Variants in PFKFB2 observed in about 807,000 individuals in gnomAD.
The protein encoded by PFKFB2 is 6-phosphofructo-2-kinase/fructose-2,6-biphosphatase 2, also known as 6-phosphofructo-2-kinase/fructose-2,6-bisphosphatase 2.
A neutral mutation model predicts 68.0 loss-of-function variants in PFKFB2; 53 were observed. The ratio of observed to expected loss-of-function variants is 0.78; its 90% CI spans 0.63 to 0.98. The LOEUF is 0.98. Ranked by LOEUF, PFKFB2 falls within the 50% of genes least tolerant of loss-of-function variation. PFKFB2 has a pLI of 0.00. For synonymous variants in PFKFB2, 222 were observed against 227.6 expected (o/e 0.98, Z 0.22); for missense variants, 451 against 642.0 (o/e 0.70, Z 3.22).
chr1:207,050,275 C>A (rs1311857596), upstream of PFKFB2, among the ~76,000 whole-genome samples: 1 of 151,764 alleles, frequency 6.6e-6, no homozygotes, highest in East Asian at 1.9e-4. Flanking sequence ...GAAGTATCTA[C>A]GAAGGGGACT....
At chr1:207,052,446 G>A, upstream of PFKFB2, 9 of 476,316 alleles carry the variant, frequency 1.9e-5, no homozygotes, top group South Asian at 9.6e-5. Flanking sequence ...TGAATCACCC[G>A]AGGTCAGAAG....
chr1:207,077,342 AG>A lies in PFKFB2; in HGVS notation c.*4974del. ...ATTTGGCATTTAAAAATTGATTTTA[AG>A]GGTTGGCAAAAGTATTTTTTCCAGT... On this transcript the variant is annotated 3_prime_UTR_variant, in exon 15 of 15. Coordinates refer to ENST00000367080, the MANE Select transcript of PFKFB2 (RefSeq NM_006212.2). 4 of 985,052 alleles carry A rather than the reference AG, an allele frequency of 4.1e-6. No individual in the cohort carries two copies. The highest frequency in any genetic ancestry group is 4.8e-6 in the Non-Finnish European group (4 of 829,548). The allele number at this position is 985,052 out of a possible 1,614,324, so 61.0% of individuals were successfully genotyped here.
intron 7 of PFKFB2, 149 bp from the exon 8 acceptor site, chr1:207,064,887 C>CG (rs1362057435): frequency 2.6e-6 from 2 of 778,160 alleles, no homozygotes; most frequent in Non-Finnish European, 1.9e-6. Flanking sequence ...CGGGGCGGGG[C>CG]GGGGGGTACT....
chr1:207,074,191 A>C lies in PFKFB2; in HGVS notation c.*1820A>C. ...AACTCCACCTTAGGAAGTTAGGTGGAAAAATACTGGATAGTAGTTTCTCAG... is the reference window on the plus strand; with the variant it reads ...AACTCCACCTTAGGAAGTTAGGTGGCAAAATACTGGATAGTAGTTTCTCAG... On this transcript the variant is annotated 3_prime_UTR_variant, in exon 15 of 15. Transcript: ENST00000367080. The C allele has an allele frequency of 1.0e-6, 1 of 985,260 alleles. No individual in the cohort carries two copies. The highest frequency in any genetic ancestry group is 1.1e-4 in the East Asian group (1 of 8,824). The allele number at this position is 985,260 out of a possible 1,614,324, so 61.0% of individuals were successfully genotyped here.
At position 207,069,487 on chromosome 1, in the gene PFKFB2, C is replaced by T. The variant is rs779065776; in HGVS notation, c.1051C>T (p.Arg351Ter). 38 of 1,613,616 alleles carry T rather than the reference C, an allele frequency of 2.4e-5. 1 individual carries two copies. In the South Asian group the frequency reaches 2.9e-4, roughly 12 times the overall value. Residue 351 changes from arginine (R) to a stop codon, truncating the protein, a stop_gained, in exon 11 of 15, where the codon CGA becomes TGA. Coordinates refer to ENST00000367080, the MANE Select transcript of PFKFB2 (RefSeq NM_006212.2). LOFTEE classifies it high-confidence loss of function. ...EKRYPEEFAL[R>*]DQEKYLYRYP... ...ACGGTACCCAGAAGAGTTTGCACTT[C>T]GAGATCAAGAGAAGTATCTGTATCG...
chr1:207,074,657 A>T lies in PFKFB2; in HGVS notation c.*2286A>T, dbSNP rs1428754373. On this transcript the variant is annotated 3_prime_UTR_variant, in exon 15 of 15. Transcript: ENST00000367080. Reference sequence around the variant, plus strand: ...TATTCCTGTTTAGTGGTTACATAACATGTACTTAGTGTCTTTGTGGAGCTT... The same window carrying T: ...TATTCCTGTTTAGTGGTTACATAACTTGTACTTAGTGTCTTTGTGGAGCTT... 2.0e-6 allele frequency: 2 copies of T among 985,340 alleles called. No homozygotes were observed. Among genetic ancestry groups the T allele is most frequent in the Non-Finnish European group, 2.4e-6 (2 of 829,928 alleles). 61.0% of individuals were successfully genotyped at this position (985,340 alleles called of 1,614,324 possible).
Position 207,062,091 on chromosome 1 carries a change from C to G in PFKFB2, c.211+13C>G. On this transcript the variant is annotated intron_variant, in intron 3 of 14. Transcript: ENST00000367080. The stretch of plus-strand genomic sequence containing the variant: ...GTCCCCACCAAAGGTAAGTGTGGCT[C>G]ATTCCCTAGGAAAGACAATTATTAG... 6.2e-7 allele frequency: 1 copy of G among 1,614,030 alleles called. No homozygotes were observed. The highest frequency in any genetic ancestry group is 1.3e-5 in the African/African-American group (1 of 75,036).
downstream of PFKFB2, chr1:207,077,833 G>A (rs3943180): frequency 2.2e-4 from 213 of 984,066 alleles, no homozygotes; most frequent in Middle Eastern, 5.2e-4. Flanking sequence ...AGGCTTCTGG[G>A]TTTTTTGTTT....
In PFKFB2 at chr1:207,076,486, A is replaced by G; in HGVS notation, c.*4115A>G. ...CTATGTATTTTGACTTATTGAAAAT[A>G]TGTAACAACTGAGTCGGGTTGCAGC... On this transcript the variant is annotated 3_prime_UTR_variant, in exon 15 of 15. Coordinates refer to ENST00000367080, the MANE Select transcript of PFKFB2 (RefSeq NM_006212.2). 2.0e-6 allele frequency: 2 copies of G among 985,380 alleles called. No individual in the cohort carries two copies. Among genetic ancestry groups the G allele is most frequent in the Non-Finnish European group, 2.4e-6 (2 of 829,890 alleles). 61.0% of individuals were successfully genotyped at this position (985,380 alleles called of 1,614,324 possible).
In PFKFB2 at chr1:207,077,478, T is replaced by C. The variant is rs1267146516; in HGVS notation, c.*5107T>C. ...TTGACCTAACAAGAAGATCAACTTATGCTGGTATGGTGATGGTTTTGCTAT... is the reference window on the plus strand; with the variant it reads ...TTGACCTAACAAGAAGATCAACTTACGCTGGTATGGTGATGGTTTTGCTAT... On this transcript the variant is annotated 3_prime_UTR_variant, in exon 15 of 15. Transcript: ENST00000367080. 6 of 985,284 alleles carry C rather than the reference T, an allele frequency of 6.1e-6. No homozygotes were observed. Among genetic ancestry groups the C allele is most frequent in the African/African-American group, 1.7e-5 (1 of 57,230 alleles). The allele number at this position is 985,284 out of a possible 1,614,324, so 61.0% of individuals were successfully genotyped here.
chr1:207,050,865 C>T, upstream of PFKFB2: 1 of 1,611,426 alleles, frequency 6.2e-7, no homozygotes, highest in Non-Finnish European at 8.5e-7. Flanking sequence ...ACATGGGTGC[C>T]GTCCTTGGCC....
chr1:207,045,921 G>C (rs1293949834), intron 2 of PFKFB2: 1 of 152,072 alleles, frequency 6.6e-6, no homozygotes, highest in African/African-American at 2.4e-5. Context: ...GGTACCACTT[G>C]ACTATGCTAA....
At chr1:207,072,079 G>A in intron 14 of PFKFB2, 125 bp from the exon 15 acceptor site, 1 of 1,497,168 alleles carries the variant, frequency 6.7e-7, no homozygotes, top group African/African-American at 1.4e-5. Flanking sequence ...TGCCCTGTGA[G>A]GGACCCTGTG....
intron 2 of PFKFB2, 37 bp downstream of exon 2, chr1:207,054,839 A>C (rs1233727384): frequency 7.2e-7 from 1 of 1,388,340 alleles, no homozygotes; most frequent in Non-Finnish European, 1.0e-6. Context: ...GCTCTCTCTC[A>C]GCATTTTATC....
chr1:207,073,182 A>G lies in PFKFB2; in HGVS notation c.*811A>G. On this transcript the variant is annotated 3_prime_UTR_variant, in exon 15 of 15. Transcript: ENST00000367080. The stretch of plus-strand genomic sequence containing the variant: ...GCCCTGGGAGAATCTGGCTCTGAGC[A>G]TGTGGGAAATGTCTTGGTTTTTATT... 3.0e-6 allele frequency: 3 copies of G among 985,580 alleles called. No individual in the cohort carries two copies. The highest frequency in any genetic ancestry group is 3.6e-6 in the Non-Finnish European group (3 of 830,058). The allele number at this position is 985,580 out of a possible 1,614,324, so 61.1% of individuals were successfully genotyped here. A position where few individuals can be genotyped will look rare whatever the true frequency, so the allele number is the denominator to read the frequency against.
chr1:207,063,221 C>T lies in PFKFB2; in HGVS notation c.375+12C>T. 1 of 1,611,822 alleles carries T rather than the reference C, an allele frequency of 6.2e-7. No homozygotes were observed. Reference sequence around the variant, plus strand: ...ATGGTCAGATTGCGGTAAGCTTTATCTGCTGCTTCTTCTTTCTGGTCCCCA... The same window carrying T: ...ATGGTCAGATTGCGGTAAGCTTTATTTGCTGCTTCTTCTTTCTGGTCCCCA... On this transcript the variant is annotated intron_variant, in intron 5 of 14. Coordinates refer to ENST00000367080, the MANE Select transcript of PFKFB2 (RefSeq NM_006212.2). The surrounding 1 kb of genome is among the most constrained non-coding windows in gnomAD (Gnocchi z 4.1).
chr1:207,060,196 G>C (rs532807460), intron 2 of PFKFB2, among the ~76,000 whole-genome samples: 33 of 152,330 alleles, frequency 2.2e-4, no homozygotes, highest in Admixed American at 5.2e-4. Flanking sequence ...GAGAAAAGCT[G>C]CAAGGAAGCA....
rs775413453 is a variant in PFKFB2, at chr1:207,067,679, C to T, written c.813C>T (p.Asp271=). 2.5e-6 allele frequency: 4 copies of T among 1,613,946 alleles called. No homozygotes were observed. The highest frequency in any genetic ancestry group is 1.7e-6 in the Non-Finnish European group (2 of 1,179,928). Residue 271 remains aspartate, a synonymous_variant, in exon 9 of 15, where the codon GAC becomes GAT. Coordinates refer to ENST00000367080, the MANE Select transcript of PFKFB2 (RefSeq NM_006212.2). Reference sequence around the variant, plus strand: ...ATCTCTTGGGGAAGATTGGGGGTGACTCTGGCCTCTCGGTGCGGGGAAAGC... The same window carrying T: ...ATCTCTTGGGGAAGATTGGGGGTGATTCTGGCCTCTCGGTGCGGGGAAAGC... ...EFNLLGKIGG[D]SGLSVRGKQF... is the part of the protein sequence containing the mutation.
chr1:207,071,070 T>G, intron 12 of PFKFB2, 118 bp from the exon 13 acceptor site: 1 of 807,150 alleles, frequency 1.2e-6, no homozygotes, highest in South Asian at 1.5e-5. Context: ...TGTACAACTC[T>G]AAGAGGTGGT....
Sources: allele counts gnomAD v4.1 joint callset (sites outside exome capture counted in the v4.1 genomes callset), GRCh38; gene constraint gnomAD v4.1.1; non-coding constraint Gnocchi (gnomAD v3.1); transcripts MANE v1.5; gene names NCBI Gene and HGNC (gene_info 2026-07-23, HGNC 2026-07-21).